ZFC3H1: variants seen among roughly 807,000 people sequenced by gnomAD.
The protein encoded by ZFC3H1 is zinc finger C3H1 domain-containing protein.
In ZFC3H1, 71 loss-of-function variants were observed where a neutral mutation model predicts 243.7. The observed-to-expected ratio is 0.29, with a 90% CI of 0.24 to 0.36. The LOEUF (loss-of-function observed/expected upper bound fraction) is 0.36, where lower values mean the gene tolerates loss of function less well. ZFC3H1 is among the 10% of genes least tolerant of loss of function. ZFC3H1 has a pLI of 1.00. For synonymous variants in ZFC3H1, 838 were observed against 813.0 expected (o/e 1.03, Z -0.52); for missense variants, 1,966 against 2,317.1 (o/e 0.85, Z 3.11).
Position 71,644,235 on chromosome 12 carries a change from C to G in ZFC3H1, c.1363G>C (p.Asp455His). The change falls in exon 5 of 35, where the codon GAT becomes CAT. Residue 455 changes from aspartate (D) to histidine (H), a missense_variant. Coordinates refer to ENST00000378743, the MANE Select transcript of ZFC3H1 (RefSeq NM_144982.5). The part of the protein sequence containing the change: ...QKEQERQKEE[D>H]QRKQAEEEER... ...TCTTCTTCAGCTTGTTTCCGCTGAT[C>G]CTCTTCTTTCTGTCTTTCCTGCTCT... 6.2e-7 allele frequency: 1 copy of G among 1,611,676 alleles called. No homozygotes were observed. The highest frequency in any genetic ancestry group is 8.5e-7 in the Non-Finnish European group (1 of 1,178,610).
intron 18 of ZFC3H1, 118 bp from the exon 19 acceptor site, chr12:71,629,828 A>C (rs1880275823): frequency 3.1e-6 from 2 of 640,722 alleles, no homozygotes; most frequent in Admixed American, 5.3e-5. Context: ...ACTAGTCAAT[A>C]ACACCTATGG....
At position 71,657,091 on chromosome 12, in the gene ZFC3H1, G is replaced by C; in HGVS notation, c.809C>G (p.Thr270Ser). 1 of 1,613,950 alleles carries C rather than the reference G, an allele frequency of 6.2e-7. No individual in the cohort carries two copies. The highest frequency in any genetic ancestry group is 8.5e-7 in the Non-Finnish European group (1 of 1,179,936). ...TGTAATACTGACATTATCAGTGCTA[G>C]TTTGGTCCTCGAAGTTCAATGTTTT... ...DPKTLNFEDQ[T>S]STDNVSITKD... Residue 270 changes from threonine (T) to serine (S), a missense_variant, in exon 2 of 35, where the codon ACT (threonine) becomes AGT (serine). This residue lies in a region of ZFC3H1 where 484 missense variants were observed against 449.7 expected (regional missense o/e 1.08). Transcript: ENST00000378743.
chr12:71,655,044 A>G (rs1488170977), intron 2 of ZFC3H1, among the ~76,000 whole-genome samples: 1 of 152,194 alleles, frequency 6.6e-6, no homozygotes, highest in Non-Finnish European at 1.5e-5. Flanking sequence ...AACTCCTCTT[A>G]GTAACTGATC....
intron 2 of ZFC3H1, among the ~76,000 whole-genome samples, chr12:71,654,788 T>C (rs983870453): frequency 2.0e-5 from 3 of 152,198 alleles, no homozygotes; most frequent in Admixed American, 6.5e-5. Context: ...TACTGAATTA[T>C]AAATTAAAAC....
chr12:71,621,082 T>C (rs1225511599), intron 24 of ZFC3H1, among the ~76,000 whole-genome samples: 2 of 152,206 alleles, frequency 1.3e-5, no homozygotes, highest in Non-Finnish European at 2.9e-5. Context: ...AAATTTCCTC[T>C]TAGTCCCATT....
chr12:71,632,789 T>C, intron 14 of ZFC3H1, 97 bp downstream of exon 14: 1 of 1,498,932 alleles, frequency 6.7e-7, no homozygotes, highest in Non-Finnish European at 9.0e-7. Context: ...TCTTGGAATT[T>C]ACAGCAAAGA....
rs564048318 is a variant in ZFC3H1, at chr12:71,636,747, C to T, written c.1936-93G>A. 2.1e-3 allele frequency: 3,328 copies of T among 1,555,508 alleles called. 13 individuals carry two copies. Among genetic ancestry groups the T allele is most frequent in the Non-Finnish European group, 2.5e-3 (2,921 of 1,152,942 alleles). On this transcript the variant is annotated intron_variant, in intron 8 of 34. Transcript: ENST00000378743. ...CTTGAGCATGTTAGAATTATCCCCA[C>T]TTTGCTGAAAAGCCCAATGATGCCC...
At chr12:71,641,451 T>A (rs180870184) in intron 6 of ZFC3H1, among the ~76,000 whole-genome samples, 1 of 152,352 alleles carries the variant, frequency 6.6e-6, no homozygotes, top group Admixed American at 6.5e-5. Context: ...TGATCATGTG[T>A]TCTTCCAAAT....
rs774933104 is a variant in ZFC3H1 at position 71,615,237 on chromosome 12, G to A, written c.5224C>T (p.His1742Tyr). Residue 1742 changes from histidine (H) to tyrosine (Y), a missense_variant, in exon 28 of 35, where the codon CAC becomes TAC. This residue lies in a region of ZFC3H1 where 1,383 missense variants were observed against 1,723.7 expected (regional missense o/e 0.80). Transcript: ENST00000378743. The stretch of plus-strand genomic sequence containing the variant: ...ATCAGCCACAAATAAGGAACTTGGT[G>A]GTTAAACATATCATCATCAAAATTC... ...KGNFDDDMFNHQVPYLWLIYC... is the reference protein window; with the variant it reads ...KGNFDDDMFNYQVPYLWLIYC... 9.9e-6 allele frequency: 16 copies of A among 1,613,164 alleles called. 1 individual carries two copies. The South Asian group carries it at 1.5e-4, about 16-fold the overall frequency.
intron 1 of ZFC3H1, 26 bp downstream of exon 1, chr12:71,662,987 A>G: frequency 6.4e-7 from 1 of 1,565,462 alleles, no homozygotes; most frequent in South Asian, 1.1e-5. Flanking sequence ...TGACACACCC[A>G]GCGCCGACCG....
chr12:71,611,584 T>G (rs1180320810), intron 32 of ZFC3H1: 1 of 171,926 alleles, frequency 5.8e-6, no homozygotes, highest in African/African-American at 2.4e-5. Flanking sequence ...TAGAGGCTAT[T>G]CAATGAGTAC....
chr12:71,630,712 T>C lies in ZFC3H1; in HGVS notation c.3612A>G (p.Ile1204Met), dbSNP rs372365630. 7 of 1,610,888 alleles carry C rather than the reference T, an allele frequency of 4.3e-6. No homozygotes were observed. In the African/African-American group the frequency reaches 5.4e-5, roughly 12 times the overall value. ...GTTTTCGGCTAAGTGTATAGTCTTG[T>C]ATATGCTGCCTAAGATAAAAAAAAA... ...CNDDDCQWQH[I>M]QDYTLSRKQL... Residue 1204 changes from isoleucine (I) to methionine (M), a missense_variant, in exon 18 of 35, where the codon ATA becomes ATG. Physicochemically the swap from Ile to Met is conservative, Grantham distance 10. Around this residue, in one of 4 missense-constraint regions of ZFC3H1, gnomAD observed 1,383 missense variants for 1,723.7 expected, o/e 0.80. Transcript: ENST00000378743.
In ZFC3H1 at chr12:71,623,420, G is replaced by A; in HGVS notation, c.4684C>T (p.Pro1562Ser). The stretch of plus-strand genomic sequence containing the variant: ...TTTACATCTTGAACAGCTTGCCATG[G>A]CATTACAAATGATTCAGTGTTAACA... ...RIVNTESFVM[P>S]WQAVQDVKTN... The change falls in exon 24 of 35, where the codon CCA becomes TCA. Residue 1562 changes from proline to serine, a missense_variant. Around this residue, in one of 4 missense-constraint regions of ZFC3H1, gnomAD observed 1,383 missense variants for 1,723.7 expected, o/e 0.80. Coordinates refer to ENST00000378743, the MANE Select transcript of ZFC3H1 (RefSeq NM_144982.5). 1 of 1,613,562 alleles carries A rather than the reference G, an allele frequency of 6.2e-7. No homozygotes were observed. The highest frequency in any genetic ancestry group is 8.5e-7 in the Non-Finnish European group (1 of 1,179,802).
Position 71,644,895 on chromosome 12 carries a change from T to G in ZFC3H1, c.1261A>C (p.Lys421Gln). The G allele has an allele frequency of 6.2e-7, 1 of 1,611,494 alleles. No homozygotes were observed. The highest frequency in any genetic ancestry group is 8.5e-7 in the Non-Finnish European group (1 of 1,179,842). Residue 421 changes from lysine (K) to glutamine (Q), a missense_variant, in exon 4 of 35, where the codon AAA becomes CAA. Physicochemically the swap from Lys to Gln is moderately conservative, Grantham distance 53. Coordinates refer to ENST00000378743, the MANE Select transcript of ZFC3H1 (RefSeq NM_144982.5). ...TGATCACCTGTAGTGCTAACTTTTTTGGCCGAATGTGTTTTTGTACTTGTT... is the reference window on the plus strand; with the variant it reads ...TGATCACCTGTAGTGCTAACTTTTTGGGCCGAATGTGTTTTTGTACTTGTT... ...VKTSTKTHSA[K>Q]KVSTTAKQAL...
chr12:71,656,903 T>C lies in ZFC3H1; in HGVS notation c.997A>G (p.Thr333Ala), dbSNP rs1271266477. The change falls in exon 2 of 35, where the codon ACT becomes GCT. Residue 333 changes from threonine (T) to alanine (A), a missense_variant. Physicochemically the swap from Thr to Ala is moderately conservative, Grantham distance 58. Transcript: ENST00000378743. ...GAKPLSLKSD[T>A]TDSSQGLQDK... Reference sequence around the variant, plus strand: ...CCATTACCTTGACTAGAATCAGTAGTGTCGGATTTCAGGGAAAGTGGTTTT... The same window carrying C: ...CCATTACCTTGACTAGAATCAGTAGCGTCGGATTTCAGGGAAAGTGGTTTT... 4 of 1,612,368 alleles carry C rather than the reference T, an allele frequency of 2.5e-6. No homozygotes were observed. In the African/African-American group the frequency reaches 5.3e-5, roughly 22 times the overall value.
chr12:71,629,022 G>A lies in ZFC3H1; in HGVS notation c.3842C>T (p.Thr1281Ile). ...ESKGHTPPFT[T>I]YKDKRKWKPK... Reference sequence around the variant, plus strand: ...CTTCCACTTTCTTTTATCTTTGTAGGTTGTAAATGGAGGAGCTAAAGTAGA... The same window carrying A: ...CTTCCACTTTCTTTTATCTTTGTAGATTGTAAATGGAGGAGCTAAAGTAGA... The change falls in exon 20 of 35, where the codon ACC (threonine) becomes ATC (isoleucine). Residue 1281 changes from threonine (T) to isoleucine (I), a missense_variant. This residue lies in a region of ZFC3H1 where 1,383 missense variants were observed against 1,723.7 expected (regional missense o/e 0.80). Coordinates refer to ENST00000378743, the MANE Select transcript of ZFC3H1 (RefSeq NM_144982.5). 1 of 1,609,568 alleles carries A rather than the reference G, an allele frequency of 6.2e-7. No homozygotes were observed. Among genetic ancestry groups the A allele is most frequent in the Non-Finnish European group, 8.5e-7 (1 of 1,178,722 alleles).
chr12:71,630,344 A>G (rs1330028282), intron 18 of ZFC3H1, among the ~76,000 whole-genome samples: 1 of 152,192 alleles, frequency 6.6e-6, no homozygotes, highest in Non-Finnish European at 1.5e-5. Flanking sequence ...GAAATGTTGG[A>G]AATGTCTTAA....
intron 24 of ZFC3H1, among the ~76,000 whole-genome samples, chr12:71,621,867 T>G (rs530405138): frequency 1.3e-5 from 2 of 151,360 alleles, no homozygotes; most frequent in Non-Finnish European, 2.9e-5. Flanking sequence ...AATATCCTCC[T>G]TACCAGAATA....
rs758669743 is a variant in ZFC3H1, at chr12:71,663,361, T to C, written c.250A>G (p.Arg84Gly). The change falls in exon 1 of 35, where the codon AGG becomes GGG. Residue 84 changes from arginine to glycine, a missense_variant. By Grantham distance (125) the Arg-to-Gly change is moderately radical. Coordinates refer to ENST00000378743, the MANE Select transcript of ZFC3H1 (RefSeq NM_144982.5). ...SSSSSSQQQL[R>G]NFSRSRHASE... ...GCGTGCCGCGAGCGTGAGAAATTCC[T>C]CAGCTGCTGCTGAGAAGAGGACGAT... The C allele has an allele frequency of 6.2e-7, 1 of 1,613,146 alleles. No homozygotes were observed. The highest frequency in any genetic ancestry group is 1.3e-5 in the African/African-American group (1 of 75,068).
Sources: allele counts gnomAD v4.1 joint callset (sites outside exome capture counted in the v4.1 genomes callset), GRCh38; gene constraint gnomAD v4.1.1; regional missense constraint gnomAD v4.1.1; transcripts MANE v1.5; gene names NCBI Gene and HGNC (gene_info 2026-07-23, HGNC 2026-07-21).